SLC4A4: variants seen among roughly 807,000 people sequenced by gnomAD.
The protein encoded by SLC4A4 is solute carrier family 4 member 4, also known as electrogenic sodium bicarbonate cotransporter 1.
In SLC4A4, 27 loss-of-function variants were observed where a neutral mutation model predicts 111.5. The ratio of observed to expected loss-of-function variants is 0.24; its 90% CI spans 0.18 to 0.33. The LOEUF (loss-of-function observed/expected upper bound fraction) is 0.33, where lower values mean the gene tolerates loss of function less well. SLC4A4 is among the 10% of genes least tolerant of loss of function. The probability of loss-of-function intolerance (pLI) is 1.00; values close to 1 mark genes in which losing one functional copy is unlikely to be tolerated. For synonymous variants in SLC4A4, 443 were observed against 463.4 expected, an observed-to-expected ratio of 0.96 and a Z score of 0.57; for missense variants, 909 against 1,315.5, an observed-to-expected ratio of 0.69 and a Z score of 4.78.
intron 6 of SLC4A4, among the ~76,000 whole-genome samples, chr4:71,373,389 C>A (rs1732057950): frequency 6.6e-6 from 1 of 152,132 alleles, no homozygotes; most frequent in African/African-American, 2.4e-5. Flanking sequence ...GAAAAGAATT[C>A]TTGGGAGAGA....
chr4:71,282,918 A>G (rs1723638624), intron 3 of SLC4A4, among the ~76,000 whole-genome samples: 1 of 152,124 alleles, frequency 6.6e-6, no homozygotes, highest in Non-Finnish European at 1.5e-5. Flanking sequence ...ATCTGTACTA[A>G]TGAGTGGGAC....
At chr4:71,087,067 G>T (rs1373601964) in intron 1 of SLC4A4, among the ~76,000 whole-genome samples, 10 of 152,090 alleles carry the variant, frequency 6.6e-5, no homozygotes, top group Non-Finnish European at 1.2e-4. Flanking sequence ...CTATTAATTA[G>T]TGCCTCAATA....
intron 2 of SLC4A4, among the ~76,000 whole-genome samples, chr4:71,141,073 T>A (rs1035509730): frequency 6.6e-6 from 1 of 152,216 alleles, no homozygotes; most frequent in Non-Finnish European, 1.5e-5. Context: ...ATTAACTACG[T>A]TCATCATACT....
intron 2 of SLC4A4, among the ~76,000 whole-genome samples, chr4:71,113,168 G>A (rs1285222233): frequency 3.3e-5 from 5 of 152,156 alleles, no homozygotes; most frequent in Non-Finnish European, 5.9e-5. Flanking sequence ...AGAGTTCCTC[G>A]TTTTTCAATT....
At chr4:71,121,221 C>A (rs1001203966) in intron 2 of SLC4A4, among the ~76,000 whole-genome samples, 3 of 151,956 alleles carry the variant, frequency 2.0e-5, no homozygotes, top group African/African-American at 4.8e-5. Flanking sequence ...TTCCCTCCCC[C>A]CTCCCCTTGG....
chr4:71,100,452 A>C (rs1009954602), intron 2 of SLC4A4, among the ~76,000 whole-genome samples: 1 of 152,172 alleles, frequency 6.6e-6, no homozygotes, highest in African/African-American at 2.4e-5. Context: ...CTACCTAAAA[A>C]TAATAAGAGC....
chr4:71,302,751 C>G (rs1725373874), intron 3 of SLC4A4, among the ~76,000 whole-genome samples: 1 of 152,122 alleles, frequency 6.6e-6, no homozygotes, highest in Non-Finnish European at 1.5e-5. Context: ...GATGCCCCAG[C>G]CTTCAATGTG....
intron 3 of SLC4A4, among the ~76,000 whole-genome samples, chr4:71,306,164 G>C (rs780505591): frequency 5.3e-5 from 8 of 152,194 alleles, no homozygotes; most frequent in Non-Finnish European, 1.0e-4. Context: ...CAGTACACCA[G>C]GGTGGTTAAG....
chr4:71,130,577 G>T (rs1055755450), intron 2 of SLC4A4, among the ~76,000 whole-genome samples: 3 of 152,030 alleles, frequency 2.0e-5, no homozygotes, highest in African/African-American at 7.2e-5. Flanking sequence ...TTTTCAATAT[G>T]CTCTTAGCAC....
intron 1 of SLC4A4, among the ~76,000 whole-genome samples, chr4:71,086,009 C>T (rs1321352635): frequency 1.3e-5 from 2 of 152,002 alleles, no homozygotes; most frequent in Non-Finnish European, 2.9e-5. Context: ...TGGCCATTTT[C>T]ACGATATTGA....
intron 3 of SLC4A4, among the ~76,000 whole-genome samples, chr4:71,331,628 G>A (rs1474664749): frequency 6.6e-6 from 1 of 151,260 alleles, no homozygotes; most frequent in Non-Finnish European, 1.5e-5. Flanking sequence ...TATACCTAAT[G>A]TAAATGACGA....
At chr4:71,451,063 A>G (rs1254509046) in intron 10 of SLC4A4, 125 bp from the exon 11 acceptor site, 13 of 721,856 alleles carry the variant, frequency 1.8e-5, no homozygotes, top group Non-Finnish European at 3.3e-5. Context: ...GATAGCAGAA[A>G]GAAATAACAA....
chr4:71,321,034 C>T (rs995324777), intron 3 of SLC4A4, among the ~76,000 whole-genome samples: 3 of 151,926 alleles, frequency 2.0e-5, no homozygotes, highest in Non-Finnish European at 2.9e-5. Flanking sequence ...ATAGTGAAAG[C>T]GGATTGTGTC....
chr4:71,489,807 C>A (rs1729741885), intron 15 of SLC4A4, among the ~76,000 whole-genome samples: 1 of 151,692 alleles, frequency 6.6e-6, no homozygotes, highest in African/African-American at 2.4e-5. Context: ...TGACATGCAT[C>A]CCCTGGAGCC....
intron 3 of SLC4A4, among the ~76,000 whole-genome samples, chr4:71,306,675 T>A (rs1725713290): frequency 6.6e-6 from 1 of 152,134 alleles, no homozygotes; most frequent in African/African-American, 2.4e-5. Flanking sequence ...GCACTAAGGA[T>A]AGTAATTGCA....
At chr4:71,336,913 G>A (rs529244900) in intron 3 of SLC4A4, among the ~76,000 whole-genome samples, 1 of 152,156 alleles carries the variant, frequency 6.6e-6, no homozygotes, top group South Asian at 2.1e-4. Context: ...ATTAATTTTT[G>A]TTTGTGTACA....
At chr4:71,329,032 A>G (rs1427471152) in intron 3 of SLC4A4, among the ~76,000 whole-genome samples, 2 of 152,102 alleles carry the variant, frequency 1.3e-5, no homozygotes, top group Non-Finnish European at 2.9e-5. Context: ...ATTTTTCTGC[A>G]TATTAATATC....
intron 1 of SLC4A4, among the ~76,000 whole-genome samples, chr4:71,201,744 T>A (rs1421482877): frequency 1.3e-5 from 2 of 152,224 alleles, no homozygotes; most frequent in East Asian, 1.9e-4. Context: ...CTTATTTTTT[T>A]AAATTTTCTT....
chr4:71,548,632 G>A (rs1735741571), intron 20 of SLC4A4, among the ~76,000 whole-genome samples: 2 of 151,782 alleles, frequency 1.3e-5, no homozygotes, highest in South Asian at 2.1e-4. Flanking sequence ...CACTGTTAAC[G>A]ATATCCTTCC....
Sources: allele counts gnomAD v4.1 joint callset (sites outside exome capture counted in the v4.1 genomes callset), GRCh38; gene constraint gnomAD v4.1.1; transcripts MANE v1.5; gene names NCBI Gene and HGNC (gene_info 2026-07-23, HGNC 2026-07-21).